The following SPIRE1 variants were observed in gnomAD, a reference collection of about 807,000 sequenced individuals.
SPIRE1 encodes the protein spire type actin nucleation factor 1, also known as protein spire homolog 1.
In SPIRE1, 40 loss-of-function variants were observed where a neutral mutation model predicts 94.1. That is an observed-to-expected ratio of 0.43 (90% CI 0.33 to 0.55). The LOEUF (loss-of-function observed/expected upper bound fraction) is 0.55. Ranked by LOEUF, SPIRE1 falls within the 20% of genes least tolerant of loss-of-function variation. SPIRE1 has a pLI of 0.06. For missense variants in SPIRE1, 838 were observed against 975.2 expected (o/e 0.86, Z 1.87); for synonymous variants, 376 against 371.7 (o/e 1.01, Z -0.13).
At chr18:12,476,639 A>G (rs149109452) in intron 10 of SPIRE1, among the ~76,000 whole-genome samples, 1,868 of 147,336 alleles carry the variant, frequency 0.013, 44 homozygotes, top group African/African-American at 0.043. Flanking sequence ...ATACACATAT[A>G]TATAAAAGAA....
chr18:12,639,335 C>T (rs1292983269), intron 1 of SPIRE1, among the ~76,000 whole-genome samples: 1 of 152,092 alleles, frequency 6.6e-6, no homozygotes, highest in Non-Finnish European at 1.5e-5. Flanking sequence ...AGGTCTGGTG[C>T]AGTAAAACAG....
chr18:12,658,108 G>C (rs1567998945), upstream of SPIRE1: 1 of 906,524 alleles, frequency 1.1e-6, no homozygotes, highest in Non-Finnish European at 1.3e-6. Flanking sequence ...GATGGCGTCC[G>C]GCGCCCCGCC....
At chr18:12,485,401 G>A (rs1024431736) in intron 9 of SPIRE1, among the ~76,000 whole-genome samples, 6 of 152,162 alleles carry the variant, frequency 3.9e-5, no homozygotes, top group Admixed American at 6.5e-5. Context: ...CACCGCGCCC[G>A]GCCTGTATTT....
chr18:12,530,691 T>C (rs1333052182), intron 4 of SPIRE1, among the ~76,000 whole-genome samples: 1 of 152,150 alleles, frequency 6.6e-6, no homozygotes, highest in East Asian at 1.9e-4. Flanking sequence ...ACATGAATAA[T>C]GAATGGTATG....
chr18:12,503,207 C>T (rs2033722216), intron 6 of SPIRE1, among the ~76,000 whole-genome samples: 1 of 152,070 alleles, frequency 6.6e-6, no homozygotes, highest in African/African-American at 2.4e-5. Context: ...GAAACTCATA[C>T]TGTTTGCTCA....
intron 2 of SPIRE1, among the ~76,000 whole-genome samples, chr18:12,614,368 T>C (rs1041837458): frequency 1.3e-5 from 2 of 152,226 alleles, no homozygotes; most frequent in Non-Finnish European, 2.9e-5. Flanking sequence ...AAATTATGTC[T>C]ATGGCTCCCC....
At chr18:12,535,815 C>T (rs766709167) in intron 3 of SPIRE1, among the ~76,000 whole-genome samples, 9 of 151,964 alleles carry the variant, frequency 5.9e-5, no homozygotes, top group Non-Finnish European at 1.0e-4. Flanking sequence ...ATTAGTTGGG[C>T]GTGGTGGCAC....
At chr18:12,606,895 G>A (rs2036994213) in intron 2 of SPIRE1, among the ~76,000 whole-genome samples, 1 of 152,088 alleles carries the variant, frequency 6.6e-6, no homozygotes, top group Non-Finnish European at 1.5e-5. Flanking sequence ...TTAAACAGCT[G>A]ACTTACTCTT....
rs147975766 is a variant in SPIRE1 at position 12,496,801 on chromosome 18, G to A, written c.973-699C>T. On this transcript the variant is annotated intron_variant, in intron 6 of 16. Coordinates refer to ENST00000409402, the MANE Select transcript of SPIRE1 (RefSeq NM_001128626.2). ...GGAGAATGGCATGAACCCAGGAGGC[G>A]GAGCTTGCAGTGAGCTGAGATCACA... 2.6e-3 allele frequency among the ~76,000 whole-genome samples: 388 copies of A among 152,140 alleles called. 5 individuals carry two copies. The highest frequency in any genetic ancestry group is 9.0e-3 in the African/African-American group (374 of 41,520).
intron 2 of SPIRE1, among the ~76,000 whole-genome samples, chr18:12,556,974 G>C (rs904065412): frequency 2.6e-5 from 4 of 152,148 alleles, no homozygotes; most frequent in Non-Finnish European, 4.4e-5. Flanking sequence ...ATTTTACAGA[G>C]AGCTGATTGG....
At chr18:12,655,847 G>A (rs2038523633) in intron 1 of SPIRE1, among the ~76,000 whole-genome samples, 1 of 152,172 alleles carries the variant, frequency 6.6e-6, no homozygotes, top group Admixed American at 6.5e-5. Flanking sequence ...TCTAAAAGCA[G>A]GCTGCACACA....
chr18:12,484,749 G>C (rs1290460649), intron 9 of SPIRE1, among the ~76,000 whole-genome samples: 1 of 152,138 alleles, frequency 6.6e-6, no homozygotes, highest in Non-Finnish European at 1.5e-5. Context: ...ATTTTATTGG[G>C]ATTAAGTTGG....
chr18:12,492,668 C>T (rs2033279593), intron 8 of SPIRE1, among the ~76,000 whole-genome samples: 1 of 151,902 alleles, frequency 6.6e-6, no homozygotes, highest in African/African-American at 2.4e-5. Context: ...TACCATAATC[C>T]TATTTAATTC....
At chr18:12,493,228 A>C in intron 7 of SPIRE1, 27 bp from the exon 8 acceptor site, 1 of 1,595,520 alleles carries the variant, frequency 6.3e-7, no homozygotes, top group Non-Finnish European at 8.5e-7. Flanking sequence ...ATGGCTAAAG[A>C]CTTCAGTAAT....
chr18:12,482,465 A>AAAAT (rs113161385), intron 9 of SPIRE1, among the ~76,000 whole-genome samples: 10 of 152,270 alleles, frequency 6.6e-5, no homozygotes, highest in South Asian at 2.1e-4. Context: ...AATGTGCTGC[A>AAAAT]AAATAAATAA....
intron 4 of SPIRE1, among the ~76,000 whole-genome samples, chr18:12,533,968 C>CACACAA (rs1491242694): frequency 6.9e-6 from 1 of 145,798 alleles, no homozygotes; most frequent in Non-Finnish European, 1.5e-5. Context: ...CACACACACA[C>CACACAA]AACTTATTTA....
chr18:12,656,386 A>G (rs1218417137), intron 1 of SPIRE1, among the ~76,000 whole-genome samples: 1 of 152,208 alleles, frequency 6.6e-6, no homozygotes, highest in African/African-American at 2.4e-5. Flanking sequence ...AAAATCGTTT[A>G]CCTGACGCTA....
chr18:12,599,761 T>A (rs2036778950), intron 2 of SPIRE1, among the ~76,000 whole-genome samples: 1 of 152,106 alleles, frequency 6.6e-6, no homozygotes, highest in Admixed American at 6.5e-5. Context: ...GTATGGTTTG[T>A]CCTAATACTG....
rs1039639704 is a variant in SPIRE1 at position 12,448,006 on chromosome 18, C to T, written c.*1632G>A. On this transcript the variant is annotated 3_prime_UTR_variant, in exon 17 of 17. Coordinates refer to ENST00000409402, the MANE Select transcript of SPIRE1 (RefSeq NM_001128626.2). This position sits in a 1 kb window ranked among gnomAD's most constrained non-coding sequence, Gnocchi z 4.4. The stretch of plus-strand genomic sequence containing the variant: ...TTCACCCAGTACAATTCTGAAAGCT[C>T]TTAAACAGGAGTCTTTAAAATAATG... 2.0e-5 allele frequency: 3 copies of T among 152,102 alleles called. No individual in the cohort carries two copies. Among genetic ancestry groups the T allele is most frequent in the Non-Finnish European group, 4.4e-5 (3 of 68,020 alleles). 9.4% of individuals were successfully genotyped at this position (152,102 alleles called of 1,614,324 possible).
Sources: allele counts gnomAD v4.1 joint callset (sites outside exome capture counted in the v4.1 genomes callset), GRCh38; gene constraint gnomAD v4.1.1; non-coding constraint Gnocchi (gnomAD v3.1); transcripts MANE v1.5; gene names NCBI Gene and HGNC (gene_info 2026-07-23, HGNC 2026-07-21).